The following SLC39A11 variants were observed in gnomAD, a reference collection of about 807,000 sequenced individuals.
SLC39A11 encodes solute carrier family 39 member 11, also known as zinc transporter ZIP11.
A neutral mutation model predicts 36.1 loss-of-function variants in SLC39A11; 33 were observed. The ratio of observed to expected loss-of-function variants is 0.91; its 90% CI spans 0.69 to 1.22. The LOEUF (loss-of-function observed/expected upper bound fraction) is 1.22. SLC39A11 is among the 50% of genes most tolerant of loss of function. The pLI is 0.00. For synonymous variants in SLC39A11, 166 were observed against 170.3 expected, an observed-to-expected ratio of 0.97 and a Z score of 0.20; for missense variants, 432 against 430.3, an observed-to-expected ratio of 1.00 and a Z score of -0.03.
intron 4 of SLC39A11, among the ~76,000 whole-genome samples, chr17:72,979,396 A>C (rs1260301008): frequency 6.6e-6 from 1 of 151,948 alleles, no homozygotes; most frequent in Non-Finnish European, 1.5e-5. Context: ...GATAATTCTC[A>C]CTCCAGTTAT....
At chr17:72,755,072 A>AT (rs1234186882) in intron 6 of SLC39A11, among the ~76,000 whole-genome samples, 6 of 131,718 alleles carry the variant, frequency 4.6e-5, no homozygotes, top group African/African-American at 1.6e-4. Flanking sequence ...GGGACACTCC[A>AT]GGACTGGTCT....
chr17:72,802,036 A>G (rs1598796034), intron 6 of SLC39A11, among the ~76,000 whole-genome samples: 1 of 152,220 alleles, frequency 6.6e-6, no homozygotes, highest in East Asian at 1.9e-4. Flanking sequence ...ACAAGGTAAG[A>G]CATTCCCTGG....
At chr17:72,940,902 T>C (rs2085061743) in intron 5 of SLC39A11, among the ~76,000 whole-genome samples, 1 of 152,226 alleles carries the variant, frequency 6.6e-6, no homozygotes, top group African/African-American at 2.4e-5. Flanking sequence ...GTAAGGGAGA[T>C]AGGATTTTTA....
At chr17:72,927,823 TACACAC>T (rs1049083287) in intron 5 of SLC39A11, among the ~76,000 whole-genome samples, 1 of 150,588 alleles carries the variant, frequency 6.6e-6, no homozygotes, top group African/African-American at 2.5e-5. Flanking sequence ...CACACACACA[TACACAC>T]ACACACTACA....
chr17:72,894,870 G>A (rs914226570), intron 5 of SLC39A11, among the ~76,000 whole-genome samples: 15 of 152,088 alleles, frequency 9.9e-5, no homozygotes, highest in African/African-American at 1.9e-4. Context: ...TGTAGAAGAT[G>A]CACCCAGGGA....
chr17:72,835,017 C>T (rs2078463203), intron 6 of SLC39A11, among the ~76,000 whole-genome samples: 1 of 152,212 alleles, frequency 6.6e-6, no homozygotes, highest in Non-Finnish European at 1.5e-5. Flanking sequence ...GGAGGATTCC[C>T]AGAGTTGTGA....
intron 7 of SLC39A11, chr17:72,712,783 T>TA (rs1323903118): frequency 6.6e-6 from 1 of 152,116 alleles, no homozygotes; most frequent in African/African-American, 2.4e-5. Flanking sequence ...AAACATTTTT[T>TA]AAAAAAATTT....
chr17:72,911,520 C>G (rs1484592016), intron 5 of SLC39A11, among the ~76,000 whole-genome samples: 5 of 152,110 alleles, frequency 3.3e-5, no homozygotes, highest in African/African-American at 9.7e-5. Context: ...CTGGAGTGCC[C>G]TTACCCTCCC....
At chr17:72,949,950 GACACACACAC>G (rs67207508) in intron 4 of SLC39A11, among the ~76,000 whole-genome samples, 55,489 of 146,020 alleles carry the variant, frequency 0.38, 10,823 homozygotes, top group Admixed American at 0.44. Context: ...AGGCTGCTGT[GACACACACAC>G]ACACACACAC....
intron 7 of SLC39A11, among the ~76,000 whole-genome samples, chr17:72,700,150 G>A (rs1453939450): frequency 6.6e-6 from 1 of 152,198 alleles, no homozygotes; most frequent in Non-Finnish European, 1.5e-5. Context: ...CTTCTTTGGC[G>A]GGAGATGGGC....
intron 7 of SLC39A11, among the ~76,000 whole-genome samples, chr17:72,697,279 C>T (rs1260031260): frequency 2.6e-5 from 4 of 152,106 alleles, no homozygotes; most frequent in African/African-American, 9.7e-5. Context: ...GATGGGGTTT[C>T]GCCATGTTGC....
chr17:73,082,498 C>G (rs1453487360), intron 3 of SLC39A11, among the ~76,000 whole-genome samples: 1 of 149,622 alleles, frequency 6.7e-6, no homozygotes. Context: ...TTGTTTTTTT[C>G]TTTTTCATAA....
intron 5 of SLC39A11, among the ~76,000 whole-genome samples, chr17:72,924,588 T>A (rs977619471): frequency 6.6e-6 from 1 of 152,142 alleles, no homozygotes; most frequent in African/African-American, 2.4e-5. Flanking sequence ...CAAATTGCTA[T>A]AAGCAGGAAG....
rs144605455 is a variant in SLC39A11 at position 72,927,696 on chromosome 17, C to T, written c.430+20056G>A. ...CCAATGCATAATTACCTTTCATTTT[C>T]CCATAGAATTTCAGGAAAAAAGAGC... On this transcript the variant is annotated intron_variant, in intron 5 of 9. Transcript: ENST00000255559. 2.6e-5 allele frequency among the ~76,000 whole-genome samples: 4 copies of T among 152,228 alleles called. No homozygotes were observed. In the East Asian group the frequency reaches 7.7e-4, roughly 29 times the overall value.
At chr17:72,982,932 G>A (rs1318953487) in intron 4 of SLC39A11, among the ~76,000 whole-genome samples, 2 of 152,090 alleles carry the variant, frequency 1.3e-5, no homozygotes, top group Admixed American at 6.6e-5. Context: ...AACACAGAGT[G>A]TCTATTATCC....
intron 4 of SLC39A11, among the ~76,000 whole-genome samples, chr17:72,996,588 C>A (rs549420459): frequency 5.3e-5 from 8 of 152,172 alleles, no homozygotes; most frequent in Non-Finnish European, 1.2e-4. Flanking sequence ...TGGCCTCCAT[C>A]TTTGCATGGC....
intron 6 of SLC39A11, among the ~76,000 whole-genome samples, chr17:72,768,982 A>C (rs761071141): frequency 6.6e-6 from 1 of 152,104 alleles, no homozygotes; most frequent in Non-Finnish European, 1.5e-5. Context: ...GGATGGTCTC[A>C]ATCTCCTGAC....
chr17:72,791,671 C>T (rs2714014), intron 6 of SLC39A11, among the ~76,000 whole-genome samples: 88,973 of 152,018 alleles, frequency 0.59, 27,262 homozygotes, highest in Non-Finnish European at 0.69. Flanking sequence ...ATTGTAATCC[C>T]CATGTGTTGG....
intron 4 of SLC39A11, among the ~76,000 whole-genome samples, chr17:73,004,163 A>AAAAGAAAGAAAAAGAAAG (rs2089999777): frequency 1.0e-5 from 1 of 100,234 alleles, no homozygotes; most frequent in African/African-American, 4.7e-5. Context: ...AAGAAGGAAA[A>AAAAGAAAGAAAAAGAAAG]AAAGAAAGAA....
Sources: gnomAD v4.1 joint callset for allele counts (sites outside exome capture counted in the v4.1 genomes callset) on GRCh38, gnomAD v4.1.1 for gene constraint, MANE v1.5 for transcripts, NCBI Gene and HGNC (gene_info 2026-07-23, HGNC 2026-07-21) for gene names.